The following RANBP3 variants were observed in gnomAD, a reference collection of about 807,000 sequenced individuals.
The protein encoded by RANBP3 is ran-binding protein 3.
RANBP3 carries 14 observed loss-of-function variants against 77.3 expected under a neutral mutation model. That is an observed-to-expected ratio of 0.18 (90% confidence interval 0.12 to 0.28). RANBP3 has a LOEUF of 0.28. Ranked by LOEUF, RANBP3 falls within the 10% of genes least tolerant of loss-of-function variation. The pLI, the probability that RANBP3 is intolerant of heterozygous loss-of-function variation, is 1.00. For synonymous variants in RANBP3, 315 were observed against 312.4 expected (o/e 1.01, Z -0.09); for missense variants, 586 against 752.3 (o/e 0.78, Z 2.59).
chr19:5,963,477 G>T (rs36071073), intron 1 of RANBP3, among the ~76,000 whole-genome samples: 15,665 of 152,244 alleles, frequency 0.1, 1,022 homozygotes, highest in African/African-American at 0.18. Context: ...CTTGAGCCCA[G>T]GAGTTAGAGG....
intron 2 of RANBP3, among the ~76,000 whole-genome samples, chr19:5,955,464 T>C (rs1008263472): frequency 6.6e-6 from 1 of 152,232 alleles, no homozygotes; most frequent in Non-Finnish European, 1.5e-5. Context: ...AACATGTTTA[T>C]GTAATTGGCA....
intron 11 of RANBP3, 36 bp from the exon 12 acceptor site, chr19:5,923,950 CT>C: frequency 6.6e-7 from 1 of 1,518,276 alleles, no homozygotes; most frequent in Non-Finnish European, 9.1e-7. Flanking sequence ...GAAGAGGGCA[CT>C]TGTGTGGTCC....
At chr19:5,945,213 C>T (rs1469829358) in intron 3 of RANBP3, among the ~76,000 whole-genome samples, 1 of 152,228 alleles carries the variant, frequency 6.6e-6, no homozygotes, top group African/African-American at 2.4e-5. Flanking sequence ...CACGGAGAAG[C>T]CGAAGACCTG....
At position 5,958,407 on chromosome 19, in the gene RANBP3, G is replaced by A. The variant is rs192118962; in HGVS notation, c.23-434C>T. ...AGGGCAAAAAAAAGGGCCACCGCTC[G>A]CGCTGTTTGCAGACAGTTCTGGTAG... is the stretch of plus-strand genomic sequence containing the variant. On this transcript the variant is annotated intron_variant, in intron 1 of 16. Transcript: ENST00000340578. This position sits in a 1 kb window ranked among gnomAD's most constrained non-coding sequence, Gnocchi z 4.4. Among the ~76,000 whole-genome samples the A allele has an allele frequency of 6.8e-4, 104 of 152,352 alleles. No individual in the cohort carries two copies. The highest frequency in any genetic ancestry group is 3.4e-3 in the Middle Eastern group (1 of 294).
intron 8 of RANBP3, among the ~76,000 whole-genome samples, chr19:5,929,119 A>C (rs1335184741): frequency 1.3e-5 from 2 of 152,192 alleles, no homozygotes; most frequent in African/African-American, 4.8e-5. Flanking sequence ...TCAGCGGATC[A>C]CAGCGCTGAG....
chr19:5,946,119 A>T (rs2058201332), intron 3 of RANBP3, among the ~76,000 whole-genome samples: 1 of 152,042 alleles, frequency 6.6e-6, no homozygotes, highest in South Asian at 2.1e-4. Flanking sequence ...TGCGTGTCTG[A>T]GATGCTGTGA....
chr19:5,933,072 A>G, intron 6 of RANBP3: 1 of 307,700 alleles, frequency 3.2e-6, no homozygotes. Flanking sequence ...CACCCTGCTA[A>G]CTGGGGCGAA....
chr19:5,974,916 C>G lies in RANBP3; in HGVS notation c.22+3145G>C, dbSNP rs574452326. Among the ~76,000 whole-genome samples the G allele has an allele frequency of 3.3e-5, 5 of 152,298 alleles. No homozygotes were observed. In the South Asian group the frequency reaches 1.0e-3, roughly 32 times the overall value. ...TGCTCAGCCTGACACAGAGGTGGGA[C>G]TGGCCCAGAGAAGAGAGATGGCAAA... is the stretch of plus-strand genomic sequence containing the variant. On this transcript the variant is annotated intron_variant, in intron 1 of 16. Coordinates refer to ENST00000340578, the MANE Select transcript of RANBP3 (RefSeq NM_007322.3).
intron 1 of RANBP3, among the ~76,000 whole-genome samples, chr19:5,967,369 C>A (rs1490735574): frequency 6.6e-6 from 1 of 152,228 alleles, no homozygotes; most frequent in Non-Finnish European, 1.5e-5. Flanking sequence ...AACTACCGAA[C>A]TCCAAGCCAA....
intron 1 of RANBP3, among the ~76,000 whole-genome samples, chr19:5,962,519 C>T (rs639251): frequency 0.71 from 107,295 of 151,950 alleles, 38,170 homozygotes; most frequent in Admixed American, 0.79. Context: ...AAATGTCACA[C>T]GCCGCAAGGA....
Position 5,917,569 on chromosome 19 carries a change from G to T in RANBP3, c.*41C>A. The T allele has an allele frequency of 6.5e-7, 1 of 1,540,770 alleles. No individual in the cohort carries two copies. Among genetic ancestry groups the T allele is most frequent in the Non-Finnish European group, 8.7e-7 (1 of 1,145,632 alleles). ...GGGGCGGGTGGGCGGGTGGATAGAC[G>T]GACAAAGCAGCAGCCTGGTGTGCAG... On this transcript the variant is annotated 3_prime_UTR_variant, in exon 17 of 17. Coordinates refer to ENST00000340578, the MANE Select transcript of RANBP3 (RefSeq NM_007322.3).
At chr19:5,923,076 C>G (rs1409719077) in intron 13 of RANBP3, 118 bp downstream of exon 13, 2 of 783,676 alleles carry the variant, frequency 2.6e-6, no homozygotes, top group Non-Finnish European at 4.2e-6. Context: ...GGGCCAGTGG[C>G]CCCTCCGTCA....
chr19:5,957,786 A>G (rs539767681), intron 2 of RANBP3, 132 bp downstream of exon 2: 5 of 915,578 alleles, frequency 5.5e-6, no homozygotes, highest in Non-Finnish European at 8.7e-6. Flanking sequence ...GTGAAAGTGT[A>G]AAGGCCTCTG....
intron 13 of RANBP3, 115 bp downstream of exon 13, chr19:5,923,079 C>T (rs925856452): frequency 2.4e-6 from 2 of 817,600 alleles, no homozygotes; most frequent in Non-Finnish European, 4.0e-6. Context: ...CCAGTGGCCC[C>T]TCCGTCATCT....
chr19:5,972,092 A>C (rs1281352236), intron 1 of RANBP3, among the ~76,000 whole-genome samples: 1 of 152,238 alleles, frequency 6.6e-6, no homozygotes, highest in Non-Finnish European at 1.5e-5. Context: ...GGCCAAATTA[A>C]ATATGTCTGC....
At chr19:5,934,489 C>T (rs970012372) in intron 5 of RANBP3, 2 of 152,232 alleles carry the variant, frequency 1.3e-5, no homozygotes, top group Non-Finnish European at 2.9e-5. Flanking sequence ...TTTACAATAA[C>T]ACCAAAAGGA....
At chr19:5,973,990 A>G (rs2145292442) in intron 1 of RANBP3, among the ~76,000 whole-genome samples, 1 of 152,168 alleles carries the variant, frequency 6.6e-6, no homozygotes, top group South Asian at 2.1e-4. Flanking sequence ...CACCATCGAT[A>G]CCAGTGAGTC....
chr19:5,952,849 G>A lies in RANBP3; in HGVS notation c.79-1253C>T, dbSNP rs968654658. Among the ~76,000 whole-genome samples, 6 of 152,138 alleles carry A rather than the reference G, an allele frequency of 3.9e-5. No homozygotes were observed. Among genetic ancestry groups the A allele is most frequent in the Non-Finnish European group, 8.8e-5 (6 of 68,038 alleles). ...TCCAGGGCAGAGCCACGGACCAGCC[G>A]CTCTCTAAACCTGGCTCTCTAAACC... On this transcript the variant is annotated intron_variant, in intron 2 of 16. Transcript: ENST00000340578. This position sits in a 1 kb window ranked among gnomAD's most constrained non-coding sequence, Gnocchi z 4.1.
At chr19:5,933,540 G>A (rs962008935) in intron 5 of RANBP3, 61 bp from the exon 6 acceptor site, 2 of 1,428,468 alleles carry the variant, frequency 1.4e-6, no homozygotes, top group African/African-American at 1.4e-5. Context: ...GGGCCTGGGG[G>A]GCAAGGGCAG....
Sources: allele counts gnomAD v4.1 joint callset (sites outside exome capture counted in the v4.1 genomes callset), GRCh38; gene constraint gnomAD v4.1.1; non-coding constraint Gnocchi (gnomAD v3.1); transcripts MANE v1.5; gene names NCBI Gene and HGNC (gene_info 2026-07-23, HGNC 2026-07-21).